VIPR2: variants seen among roughly 807,000 people sequenced by gnomAD.
VIPR2 encodes the protein vasoactive intestinal polypeptide receptor 2.
VIPR2 carries 48 observed loss-of-function variants against 58.0 expected under a neutral mutation model. The ratio of observed to expected loss-of-function variants is 0.83; its 90% CI spans 0.66 to 1.05. The LOEUF is 1.05. VIPR2 is among the 50% of genes least tolerant of loss of function. The probability of loss-of-function intolerance (pLI) is 0.00; values close to 1 mark genes in which losing one functional copy is unlikely to be tolerated. For synonymous variants in VIPR2, 243 were observed against 235.2 expected (o/e 1.03, Z -0.30); for missense variants, 534 against 558.0 (o/e 0.96, Z 0.43).
At chr7:159,072,720 A>C (rs941546817) in intron 4 of VIPR2, among the ~76,000 whole-genome samples, 1 of 152,260 alleles carries the variant, frequency 6.6e-6, no homozygotes, top group Non-Finnish European at 1.5e-5. Flanking sequence ...ATATTTATTA[A>C]GGAGAGTAAG....
intron 2 of VIPR2, among the ~76,000 whole-genome samples, chr7:159,119,945 T>C (rs376898764): frequency 0.042 from 4,810 of 114,066 alleles, 224 homozygotes; most frequent in African/African-American, 0.12. Flanking sequence ...GAAGAAATGC[T>C]TGTCCCCTTG....
intron 5 of VIPR2, among the ~76,000 whole-genome samples, chr7:159,055,974 C>T (rs942466727): frequency 3.3e-5 from 5 of 152,196 alleles, no homozygotes; most frequent in Non-Finnish European, 5.9e-5. Flanking sequence ...TTGGAGGCCA[C>T]GTCCATCTGA....
intron 2 of VIPR2, among the ~76,000 whole-genome samples, chr7:159,131,948 A>AT (rs1323487508): frequency 8.3e-6 from 1 of 120,466 alleles, no homozygotes; most frequent in Non-Finnish European, 1.6e-5. Flanking sequence ...TAGCCAACAA[A>AT]CTTTAATAAT....
intron 5 of VIPR2, among the ~76,000 whole-genome samples, chr7:159,045,188 G>A (rs572191059): frequency 9.2e-5 from 14 of 152,300 alleles, no homozygotes; most frequent in African/African-American, 3.4e-4. Flanking sequence ...GAGCCCAAGA[G>A]CCTAAGAGAC....
chr7:159,034,560 A>G, intron 9 of VIPR2, 21 bp downstream of exon 9: 4 of 1,607,596 alleles, frequency 2.5e-6, no homozygotes, highest in Non-Finnish European at 3.4e-6. Flanking sequence ...GATAATCCAC[A>G]TGTCAACAGG....
chr7:159,058,278 C>G (rs1855437831), intron 5 of VIPR2, among the ~76,000 whole-genome samples: 1 of 152,138 alleles, frequency 6.6e-6, no homozygotes, highest in Non-Finnish European at 1.5e-5. Flanking sequence ...TATCCAAGGT[C>G]AGCATTATCT....
chr7:159,066,284 A>G, intron 4 of VIPR2, among the ~76,000 whole-genome samples: 1 of 151,402 alleles, frequency 6.6e-6, no homozygotes, highest in Non-Finnish European at 1.5e-5. Flanking sequence ...GTGGGATTCC[A>G]GGATGCCTGC....
At chr7:159,070,124 G>T in intron 4 of VIPR2, among the ~76,000 whole-genome samples, 1 of 152,164 alleles carries the variant, frequency 6.6e-6, no homozygotes, top group East Asian at 1.9e-4. Context: ...AGGGTAAAAA[G>T]GAACTTGCCC....
chr7:159,030,570 C>T lies in VIPR2; in HGVS notation c.*46G>A, dbSNP rs1392124421. ...AGCCGGCGTCTCAGCCCCGCAGAAG[C>T]CCCGAACCGTGGGCCTCCCGCCGCG... On this transcript the variant is annotated 3_prime_UTR_variant, in exon 13 of 13. Transcript: ENST00000262178. 4.0e-6 allele frequency: 6 copies of T among 1,492,096 alleles called. No individual in the cohort carries two copies. The South Asian group carries it at 5.4e-5, about 13-fold the overall frequency. 92.4% of individuals were successfully genotyped at this position (1,492,096 alleles called of 1,614,324 possible).
chr7:159,053,994 G>T (rs115916836), intron 5 of VIPR2, among the ~76,000 whole-genome samples: 2,261 of 152,300 alleles, frequency 0.015, 39 homozygotes, highest in African/African-American at 0.051. Context: ...ACTTATTAAA[G>T]GCAGGGTAAT....
At chr7:159,036,623 C>T (rs779743062) in intron 7 of VIPR2, 129 bp downstream of exon 7, 24 of 1,194,890 alleles carry the variant, frequency 2.0e-5, no homozygotes, top group Non-Finnish European at 2.8e-5. Context: ...CCTGGAAGAG[C>T]TCTTCATGAT....
rs1857945563 is a variant in VIPR2, at chr7:159,097,676, T to C, written c.357+6081A>G. Among the ~76,000 whole-genome samples the C allele has an allele frequency of 6.6e-6, 1 of 152,216 alleles. No individual in the cohort carries two copies. The highest frequency in any genetic ancestry group is 2.1e-4 in the South Asian group (1 of 4,830). On this transcript the variant is annotated intron_variant, in intron 4 of 12. Coordinates refer to ENST00000262178, the MANE Select transcript of VIPR2 (RefSeq NM_003382.5). The surrounding 1 kb of genome is among the most constrained non-coding windows in gnomAD (Gnocchi z 5.3). ...CCTTTTGGGCTTTTGACACAACGTATGCTTTTCAGTGCCTTGTTTCAAGAA... is the reference window on the plus strand; with the variant it reads ...CCTTTTGGGCTTTTGACACAACGTACGCTTTTCAGTGCCTTGTTTCAAGAA...
intron 6 of VIPR2, among the ~76,000 whole-genome samples, chr7:159,041,855 G>T (rs902722504): frequency 2.0e-5 from 3 of 152,144 alleles, no homozygotes; most frequent in East Asian, 3.9e-4. Flanking sequence ...CCATCTCGGT[G>T]AGAGAGAATC....
Position 159,030,599 on chromosome 7 carries a change from G to A in VIPR2, c.*17C>T. The A allele has an allele frequency of 6.6e-7, 1 of 1,514,856 alleles. No homozygotes were observed. The highest frequency in any genetic ancestry group is 8.9e-7 in the Non-Finnish European group (1 of 1,128,128). 93.8% of individuals were successfully genotyped at this position (1,514,856 alleles called of 1,614,324 possible). On this transcript the variant is annotated 3_prime_UTR_variant, in exon 13 of 13. Transcript: ENST00000262178. The stretch of plus-strand genomic sequence containing the variant: ...GAACCGTGGGCCTCCCGCCGCGTCC[G>A]ACAGGCAGGGGTGGGGCTAGATGAC...
intron 2 of VIPR2, among the ~76,000 whole-genome samples, chr7:159,129,025 G>T (rs1796764051): frequency 6.6e-6 from 1 of 152,256 alleles, no homozygotes; most frequent in Non-Finnish European, 1.5e-5. Context: ...AGGAGACGTG[G>T]TCTTGGGGGC....
rs1490893853 is a variant in VIPR2 at position 159,098,946 on chromosome 7, G to A, written c.357+4811C>T. Among the ~76,000 whole-genome samples, 7 of 152,160 alleles carry A rather than the reference G, an allele frequency of 4.6e-5. No individual in the cohort carries two copies. Among genetic ancestry groups the A allele is most frequent in the Non-Finnish European group, 7.3e-5 (5 of 68,040 alleles). ...CAGTTCAGCTCCCAGGCAGCCCTGCGCTCGCCGGTGGGCAGAGCCGGCCCA... is the reference window on the plus strand; with the variant it reads ...CAGTTCAGCTCCCAGGCAGCCCTGCACTCGCCGGTGGGCAGAGCCGGCCCA... On this transcript the variant is annotated intron_variant, in intron 4 of 12. Transcript: ENST00000262178. The surrounding 1 kb of genome is among the most constrained non-coding windows in gnomAD (Gnocchi z 5.2).
Position 159,031,786 on chromosome 7 carries a change from A to G in VIPR2, c.1143+42T>C. On this transcript the variant is annotated intron_variant, in intron 12 of 12. Transcript: ENST00000262178. The surrounding 1 kb of genome is among the most constrained non-coding windows in gnomAD (Gnocchi z 4.0). ...AGGCTGGGCAGCATCTCAGGAAGCA[A>G]GTGAGTACCTGTGCTTGGTTCCAAG... The G allele has an allele frequency of 6.2e-7, 1 of 1,613,622 alleles. No homozygotes were observed. Among genetic ancestry groups the G allele is most frequent in the South Asian group, 1.1e-5 (1 of 91,078 alleles).
chr7:159,133,158 T>C (rs1797048593), intron 2 of VIPR2, among the ~76,000 whole-genome samples: 1 of 152,308 alleles, frequency 6.6e-6, no homozygotes, highest in South Asian at 2.1e-4. Context: ...CCACTGAGCC[T>C]GGGGCATCTG....
At chr7:159,125,649 GGCT>G (rs1435603025) in intron 2 of VIPR2, among the ~76,000 whole-genome samples, 2 of 152,154 alleles carry the variant, frequency 1.3e-5, no homozygotes, top group Non-Finnish European at 2.9e-5. Context: ...GCCTTCAAGG[GGCT>G]GCTGCAGTTA....
Sources: gnomAD v4.1 joint callset for allele counts (sites outside exome capture counted in the v4.1 genomes callset) on GRCh38, gnomAD v4.1.1 for gene constraint, Gnocchi (gnomAD v3.1) non-coding constraint, MANE v1.5 for transcripts, NCBI Gene and HGNC (gene_info 2026-07-23, HGNC 2026-07-21) for gene names.